Variants in DYM observed in about 807,000 individuals in gnomAD.
DYM encodes the protein dymeclin, also known as dyggve-Melchior-Clausen syndrome protein.
A neutral mutation model predicts 93.1 loss-of-function variants in DYM; 78 were observed. The ratio of observed to expected loss-of-function variants is 0.84; its 90% CI spans 0.70 to 1.01. DYM has a LOEUF of 1.01. DYM is among the 50% of genes least tolerant of loss of function. The pLI is 0.00. For missense variants in DYM, 789 were observed against 845.0 expected, an observed-to-expected ratio of 0.93 and a Z score of 0.82; for synonymous variants, 321 against 319.7, an observed-to-expected ratio of 1.00 and a Z score of -0.04.
At chr18:49,228,042 A>AT (rs1166183261) in intron 13 of DYM, among the ~76,000 whole-genome samples, 6 of 152,138 alleles carry the variant, frequency 3.9e-5, no homozygotes, top group Non-Finnish European at 8.8e-5. Context: ...CACAAAATGA[A>AT]TTTGTAAATG....
chr18:49,227,951 C>T (rs117214919), intron 13 of DYM, among the ~76,000 whole-genome samples: 1 of 152,118 alleles, frequency 6.6e-6, no homozygotes, highest in African/African-American at 2.4e-5. Context: ...ATGAGGCCCT[C>T]CCCGATTGCT....
intron 13 of DYM, among the ~76,000 whole-genome samples, chr18:49,213,955 T>C (rs2092913963): frequency 6.6e-6 from 1 of 152,238 alleles, no homozygotes. Flanking sequence ...GCAATTATCC[T>C]TCACAGATTC....
At chr18:49,078,105 T>C (rs2077462616) in intron 17 of DYM, among the ~76,000 whole-genome samples, 1 of 152,218 alleles carries the variant, frequency 6.6e-6, no homozygotes, top group African/African-American at 2.4e-5. Flanking sequence ...TTCATTTTTT[T>C]ATTACTTTTA....
rs2061575755 is a variant in DYM, at chr18:49,311,339, A to G, written c.763+20525T>C. ...GTATAAATAAGAGAGCCAACACAAT[A>G]AAGTTTTAGCTGTTTTAGAAAGTTC... is the stretch of plus-strand genomic sequence containing the variant. On this transcript the variant is annotated intron_variant, in intron 8 of 17. Transcript: ENST00000675505. Among the ~76,000 whole-genome samples, 3 of 152,232 alleles carry G rather than the reference A, an allele frequency of 2.0e-5. No homozygotes were observed. The East Asian group carries it at 5.8e-4, about 29-fold the overall frequency.
intron 14 of DYM, among the ~76,000 whole-genome samples, chr18:49,183,083 C>A (rs530724403): frequency 6.6e-6 from 1 of 152,002 alleles, no homozygotes; most frequent in African/African-American, 2.4e-5. Context: ...GGTGATTGCA[C>A]ATTTTTTTTC....
At chr18:49,294,426 T>C (rs1056733918) in intron 8 of DYM, among the ~76,000 whole-genome samples, 5 of 152,184 alleles carry the variant, frequency 3.3e-5, no homozygotes, top group African/African-American at 1.2e-4. Flanking sequence ...ATTTTCACAA[T>C]ATTGATTCTT....
rs1478378089 is a variant in DYM at position 49,365,462 on chromosome 18, CATG to C, written c.422-2232_422-2230del. Among the ~76,000 whole-genome samples the C allele has an allele frequency of 2.0e-5, 3 of 152,312 alleles. No individual in the cohort carries two copies. In the East Asian group the frequency reaches 5.8e-4, roughly 29 times the overall value. On this transcript the variant is annotated intron_variant, in intron 5 of 17. Coordinates refer to ENST00000675505, the MANE Select transcript of DYM (RefSeq NM_001353214.3). ...TAAGTCACACTTGTCTCTGGGACTG[CATG>C]ATTAGTTACCAGATCTAACTAAAAT...
chr18:49,142,082 C>T (rs2084570640), intron 15 of DYM, among the ~76,000 whole-genome samples: 2 of 151,002 alleles, frequency 1.3e-5, no homozygotes, highest in South Asian at 4.2e-4. Flanking sequence ...AGGATGGTCT[C>T]GATCTCCTGA....
At chr18:49,198,209 A>G (rs1164277765) in intron 14 of DYM, among the ~76,000 whole-genome samples, 2 of 152,312 alleles carry the variant, frequency 1.3e-5, no homozygotes, top group South Asian at 2.1e-4. Context: ...TCCCTTCCTT[A>G]CACCTTATAC....
At chr18:49,424,717 A>G (rs1174427377) in intron 2 of DYM, among the ~76,000 whole-genome samples, 2 of 152,296 alleles carry the variant, frequency 1.3e-5, no homozygotes, top group African/African-American at 2.4e-5. Flanking sequence ...AAATCAATGT[A>G]TAAAAATCAC....
At chr18:49,176,143 A>G (rs796290481) in intron 14 of DYM, among the ~76,000 whole-genome samples, 6 of 152,316 alleles carry the variant, frequency 3.9e-5, no homozygotes, top group East Asian at 1.9e-4. Context: ...TAAGGTAACT[A>G]AAGTCAAAAT....
chr18:49,073,925 G>C (rs986640194), intron 17 of DYM, among the ~76,000 whole-genome samples: 4 of 152,140 alleles, frequency 2.6e-5, no homozygotes, highest in Non-Finnish European at 4.4e-5. Context: ...TCACTATAGG[G>C]AGGCAGTGTT....
intron 11 of DYM, among the ~76,000 whole-genome samples, chr18:49,267,605 A>G (rs1176500382): frequency 1.3e-5 from 2 of 152,174 alleles, no homozygotes; most frequent in Non-Finnish European, 2.9e-5. Flanking sequence ...AAAAAGTATC[A>G]ATGTCAGGCT....
intron 16 of DYM, among the ~76,000 whole-genome samples, chr18:49,117,536 T>C (rs1022283288): frequency 3.3e-5 from 5 of 152,174 alleles, no homozygotes; most frequent in Non-Finnish European, 5.9e-5. Context: ...TATTGAGTTA[T>C]TTATCTATTA....
At chr18:49,066,601 C>G (rs2076406820) in intron 17 of DYM, among the ~76,000 whole-genome samples, 1 of 152,196 alleles carries the variant, frequency 6.6e-6, no homozygotes, top group Non-Finnish European at 1.5e-5. Context: ...TGTGCAAGGG[C>G]AGGCATTTAG....
chr18:49,200,525 T>C (rs2091903414), intron 14 of DYM, among the ~76,000 whole-genome samples: 1 of 151,952 alleles, frequency 6.6e-6, no homozygotes, highest in South Asian at 2.1e-4. Context: ...CTTATTTTTC[T>C]TTATAATATT....
chr18:49,078,827 C>T (rs1333599644), intron 17 of DYM, among the ~76,000 whole-genome samples: 1 of 152,216 alleles, frequency 6.6e-6, no homozygotes, highest in Non-Finnish European at 1.5e-5. Context: ...TCCTTCCTCT[C>T]TGAAAGCCTG....
intron 8 of DYM, among the ~76,000 whole-genome samples, chr18:49,287,111 T>G (rs563666295): frequency 6.6e-6 from 1 of 152,058 alleles, no homozygotes; most frequent in East Asian, 1.9e-4. Context: ...AGCTTGAACC[T>G]GGGAAGCAGA....
At chr18:49,137,570 C>T (rs994093545) in intron 15 of DYM, among the ~76,000 whole-genome samples, 29 of 152,258 alleles carry the variant, frequency 1.9e-4, no homozygotes, top group African/African-American at 6.3e-4. Context: ...CTGCCATCCC[C>T]TAATTTAGTA....
Sources: allele counts gnomAD v4.1 joint callset (sites outside exome capture counted in the v4.1 genomes callset), GRCh38; gene constraint gnomAD v4.1.1; transcripts MANE v1.5; gene names NCBI Gene and HGNC (gene_info 2026-07-23, HGNC 2026-07-21).